Variants in IQCF3 observed in about 807,000 individuals in gnomAD.
IQCF3 encodes IQ domain-containing protein F3.
In IQCF3, 7 loss-of-function variants were observed where a neutral mutation model predicts 5.1. The observed-to-expected ratio is 1.36, with a 90% CI of 0.78 to 2.56. The LOEUF (loss-of-function observed/expected upper bound fraction) is 2.56. IQCF3 is among the 30% of genes most tolerant of loss of function. The pLI is 0.00. For synonymous variants in IQCF3, 82 were observed against 72.8 expected, an observed-to-expected ratio of 1.13 and a Z score of -0.64; for missense variants, 189 against 196.5, an observed-to-expected ratio of 0.96 and a Z score of 0.23.
chr3:51,829,490 C>T lies in IQCF3; in HGVS notation c.15C>T (p.Cys5=), dbSNP rs1698334877. The T allele has an allele frequency of 2.5e-6, 4 of 1,597,878 alleles. No individual in the cohort carries two copies. Among genetic ancestry groups the T allele is most frequent in the South Asian group, 2.3e-5 (2 of 88,000 alleles). Residue 5 remains cysteine (C), a synonymous_variant, in exon 1 of 3, where the codon TGC becomes TGT. Coordinates refer to ENST00000440739, the MANE Select transcript of IQCF3 (RefSeq NM_001393887.1). ...TGCTCCAAACCATGGGCAGTAAATGCTGTGTAAGACTCAGGCACACAAACT... is the reference window on the plus strand; with the variant it reads ...TGCTCCAAACCATGGGCAGTAAATGTTGTGTAAGACTCAGGCACACAAACT... The part of the protein sequence containing the change: MGSK[C]CKGGPDEDAV...
upstream of IQCF3, chr3:51,829,359 TG>T: frequency 8.6e-7 from 1 of 1,158,994 alleles, no homozygotes; most frequent in Non-Finnish European, 1.3e-6. Flanking sequence ...CTGTGGCCCC[TG>T]GTCATAGTTG....
chr3:51,829,547 G>A, intron 1 of IQCF3, 54 bp downstream of exon 1: 1 of 1,593,828 alleles, frequency 6.3e-7, no homozygotes, highest in South Asian at 1.1e-5. Flanking sequence ...CCATGGCCCA[G>A]GAAAGCACCA....
In IQCF3 at chr3:51,830,289, C is replaced by T; in HGVS notation, c.67-114C>T. On this transcript the variant is annotated intron_variant, in intron 2 of 2. Coordinates refer to ENST00000440739, the MANE Select transcript of IQCF3 (RefSeq NM_001393887.1). The surrounding 1 kb of genome is among the most constrained non-coding windows in gnomAD (Gnocchi z 4.1). ...ACAGGACAGAAGTAGAGGACAAACC[C>T]CACCCAGGTCTCCTGGGTCCTCAAA... 1 of 1,202,642 alleles carries T rather than the reference C, an allele frequency of 8.3e-7. No individual in the cohort carries two copies. The highest frequency in any genetic ancestry group is 1.2e-6 in the Non-Finnish European group (1 of 862,540). 74.5% of individuals were successfully genotyped at this position (1,202,642 alleles called of 1,614,324 possible). A position where few individuals can be genotyped will look rare whatever the true frequency, so the allele number is the denominator to read the frequency against.
upstream of IQCF3, chr3:51,827,360 A>G (rs915866986): frequency 6.6e-6 from 1 of 152,240 alleles, no homozygotes; most frequent in Non-Finnish European, 1.5e-5. Context: ...AATATCTAAA[A>G]GAGAAAATAA....
upstream of IQCF3, among the ~76,000 whole-genome samples, chr3:51,828,379 T>A (rs190188565): frequency 6.6e-6 from 1 of 152,366 alleles, no homozygotes; most frequent in Admixed American, 6.5e-5. Flanking sequence ...GTTTTTAACA[T>A]GAAGAGATGT....
upstream of IQCF3, chr3:51,827,468 A>G (rs1698303621): frequency 6.6e-6 from 1 of 152,188 alleles, no homozygotes. Flanking sequence ...TTGGGAGAGA[A>G]TAAGACAGGA....
At position 51,830,324 on chromosome 3, in the gene IQCF3, G is replaced by A; in HGVS notation, c.67-79G>A. 2.0e-6 allele frequency: 3 copies of A among 1,490,736 alleles called. No homozygotes were observed. Among genetic ancestry groups the A allele is most frequent in the Non-Finnish European group, 2.7e-6 (3 of 1,114,548 alleles). The allele number at this position is 1,490,736 out of a possible 1,614,324, so 92.3% of individuals were successfully genotyped here. A position where few individuals can be genotyped will look rare whatever the true frequency, so the allele number is the denominator to read the frequency against. ...CTCCTGGGTCCTCAAAACCAGCAGG[G>A]AGAGGGCTGATTCTTTAGAGAACCA... is the stretch of plus-strand genomic sequence containing the variant. On this transcript the variant is annotated intron_variant, in intron 2 of 2. Coordinates refer to ENST00000440739, the MANE Select transcript of IQCF3 (RefSeq NM_001393887.1). This position sits in a 1 kb window ranked among gnomAD's most constrained non-coding sequence, Gnocchi z 4.1.
At chr3:51,827,941 A>G (rs1310497724), upstream of IQCF3, among the ~76,000 whole-genome samples, 1 of 152,064 alleles carries the variant, frequency 6.6e-6, no homozygotes, top group Non-Finnish European at 1.5e-5. Context: ...ATGTTGGTTT[A>G]CTAAGCCACT....
chr3:51,830,275 G>A lies in IQCF3; in HGVS notation c.67-128G>A, dbSNP rs1698347862. The A allele has an allele frequency of 7.3e-6, 7 of 964,944 alleles. No individual in the cohort carries two copies. Among genetic ancestry groups the A allele is most frequent in the East Asian group, 2.5e-5 (1 of 39,434 alleles). The allele number at this position is 964,944 out of a possible 1,614,324, so 59.8% of individuals were successfully genotyped here. A position where few individuals can be genotyped will look rare whatever the true frequency, so the allele number is the denominator to read the frequency against. ...GTCCAGAGCCATGAACAGGACAGAAGTAGAGGACAAACCCCACCCAGGTCT... is the reference window on the plus strand; with the variant it reads ...GTCCAGAGCCATGAACAGGACAGAAATAGAGGACAAACCCCACCCAGGTCT... On this transcript the variant is annotated intron_variant, in intron 2 of 2. Transcript: ENST00000440739. This position sits in a 1 kb window ranked among gnomAD's most constrained non-coding sequence, Gnocchi z 4.1.
At chr3:51,827,679 A>G (rs895230946), upstream of IQCF3, among the ~76,000 whole-genome samples, 2 of 151,890 alleles carry the variant, frequency 1.3e-5, no homozygotes, top group African/African-American at 4.8e-5. Context: ...CTTTTATTTT[A>G]GGTTCAGGGG....
upstream of IQCF3, chr3:51,828,217 G>A (rs1353363354): frequency 2.0e-5 from 3 of 152,084 alleles, no homozygotes; most frequent in Non-Finnish European, 4.4e-5. Flanking sequence ...TGTTGAATAG[G>A]AGTGGTGAGA....
chr3:51,829,510 CAA>C lies in IQCF3; in HGVS notation c.18+19_18+20del. The C allele has an allele frequency of 6.3e-7, 1 of 1,597,028 alleles. No homozygotes were observed. The highest frequency in any genetic ancestry group is 8.5e-7 in the Non-Finnish European group (1 of 1,171,772). ...AAATGCTGTGTAAGACTCAGGCACA[CAA>C]ACTCCCCCAGGGGTGGGAGTTGTCC... On this transcript the variant is annotated intron_variant, in intron 1 of 2. Coordinates refer to ENST00000440739, the MANE Select transcript of IQCF3 (RefSeq NM_001393887.1).
chr3:51,829,977 G>C (rs986237992), intron 2 of IQCF3: 1 of 519,794 alleles, frequency 1.9e-6, no homozygotes, highest in Non-Finnish European at 3.5e-6. Flanking sequence ...GGTAGTGGAA[G>C]TCCACAAAAG....
Position 51,830,397 on chromosome 3 carries a change from G to A in IQCF3, c.67-6G>A. ...TCACTGGGAGTCCTCTGCTTTGCTT[G>A]GCCAGTTGCTTCTTGCACAACTGCA... On this transcript the variant is annotated splice_region_variant and splice_polypyrimidine_tract_variant and intron_variant, in intron 2 of 2. Coordinates refer to ENST00000440739, the MANE Select transcript of IQCF3 (RefSeq NM_001393887.1). This position sits in a 1 kb window ranked among gnomAD's most constrained non-coding sequence, Gnocchi z 4.1. 6.5e-7 allele frequency: 1 copy of A among 1,529,124 alleles called. No individual in the cohort carries two copies. The highest frequency in any genetic ancestry group is 1.3e-5 in the South Asian group (1 of 76,754). 94.7% of individuals were successfully genotyped at this position (1,529,124 alleles called of 1,614,324 possible).
upstream of IQCF3, chr3:51,828,502 C>T (rs1698320180): frequency 6.6e-6 from 1 of 152,202 alleles, no homozygotes; most frequent in Non-Finnish European, 1.5e-5. Flanking sequence ...GTTGAACCAA[C>T]CTTGCATTCC....
chr3:51,829,643 C>A (rs371101520), intron 1 of IQCF3, 22 bp from the exon 2 acceptor site: 23 of 1,612,926 alleles, frequency 1.4e-5, no homozygotes, highest in African/African-American at 6.7e-5. Flanking sequence ...CATGCTCCCC[C>A]ACACCCATAT....
In IQCF3 at chr3:51,830,833, AC is replaced by A; in HGVS notation, c.*35del. The A allele has an allele frequency of 1.3e-6, 2 of 1,524,940 alleles. No homozygotes were observed. The highest frequency in any genetic ancestry group is 1.8e-6 in the Non-Finnish European group (2 of 1,136,118). 94.5% of individuals were successfully genotyped at this position (1,524,940 alleles called of 1,614,324 possible). On this transcript the variant is annotated 3_prime_UTR_variant, in exon 3 of 3. Transcript: ENST00000440739. This position sits in a 1 kb window ranked among gnomAD's most constrained non-coding sequence, Gnocchi z 4.1. ...TGGGGCATGGAGAACAGGCTGCACTACCCTAATAAATGTCTGACCAGGTTGT... is the reference window on the plus strand; with the variant it reads ...TGGGGCATGGAGAACAGGCTGCACTACCTAATAAATGTCTGACCAGGTTGT...
upstream of IQCF3, chr3:51,829,301 A>G: frequency 1.5e-6 from 1 of 663,742 alleles, no homozygotes; most frequent in Non-Finnish European, 2.7e-6. Flanking sequence ...TCAACAGGAG[A>G]GCCAGGTATT....
At chr3:51,829,206 A>G, upstream of IQCF3, 1 of 516,814 alleles carries the variant, frequency 1.9e-6, no homozygotes, top group Non-Finnish European at 3.5e-6. Context: ...AGGAAAGGCA[A>G]CCATGAAAAA....
Sources: allele counts gnomAD v4.1 joint callset (sites outside exome capture counted in the v4.1 genomes callset), GRCh38; gene constraint gnomAD v4.1.1; non-coding constraint Gnocchi (gnomAD v3.1); transcripts MANE v1.5; gene names NCBI Gene and HGNC (gene_info 2026-07-23, HGNC 2026-07-21).